Variants in LRP1B observed in about 807,000 individuals in gnomAD.
LRP1B encodes low-density lipoprotein receptor-related protein 1B.
A neutral mutation model predicts 556.6 loss-of-function variants in LRP1B; 217 were observed. The observed-to-expected ratio is 0.39, with a 90% confidence interval of 0.35 to 0.44. The LOEUF (loss-of-function observed/expected upper bound fraction) is 0.44, where lower values mean the gene tolerates loss of function less well. Among genes scored for constraint, LRP1B ranks in the 20% least tolerant of loss-of-function variants. The pLI, the probability that LRP1B is intolerant of heterozygous loss-of-function variation, is 1.00. For synonymous variants in LRP1B, 2,047 were observed against 1,865.8 expected, an observed-to-expected ratio of 1.10 and a Z score of -2.50; for missense variants, 5,053 against 5,620.8, an observed-to-expected ratio of 0.90 and a Z score of 3.23.
At chr2:141,562,661 C>A (rs62169798) in intron 2 of LRP1B, among the ~76,000 whole-genome samples, 5,579 of 151,948 alleles carry the variant, frequency 0.037, 150 homozygotes, top group East Asian at 0.12. Flanking sequence ...TGGCTTCACT[C>A]CGTAAAACAA....
chr2:141,174,741 A>T (rs1714258), intron 7 of LRP1B, among the ~76,000 whole-genome samples: 151,897 of 152,202 alleles, frequency 1, 75,796 homozygotes, highest in Non-Finnish European at 1. Flanking sequence ...ACAAAGATAT[A>T]TGAAAATGTG....
At chr2:140,273,336 G>GTTAGTTTATATGA (rs1553437444) in intron 85 of LRP1B, among the ~76,000 whole-genome samples, 1 of 151,808 alleles carries the variant, frequency 6.6e-6, no homozygotes, top group Non-Finnish European at 1.5e-5. Context: ...ACATGATTTG[G>GTTAGTTTATATGA]ACGCATGTTT....
intron 32 of LRP1B, among the ~76,000 whole-genome samples, chr2:140,800,261 G>A (rs1299771130): frequency 6.6e-6 from 1 of 152,140 alleles, no homozygotes; most frequent in Non-Finnish European, 1.5e-5. Flanking sequence ...GGGAGGAGGA[G>A]CGGGGAGGGA....
chr2:141,425,997 T>C (rs1317944153), intron 3 of LRP1B, among the ~76,000 whole-genome samples: 2 of 151,280 alleles, frequency 1.3e-5, no homozygotes, highest in Non-Finnish European at 3.0e-5. Flanking sequence ...TCCTTGCCCA[T>C]GCCTATGTCC....
intron 57 of LRP1B, among the ~76,000 whole-genome samples, chr2:140,490,906 C>T (rs1573998104): frequency 6.6e-6 from 1 of 152,180 alleles, no homozygotes; most frequent in East Asian, 1.9e-4. Context: ...CCCATATGTA[C>T]TGCACTAAGA....
intron 2 of LRP1B, among the ~76,000 whole-genome samples, chr2:141,652,863 G>T (rs901662411): frequency 9.2e-5 from 14 of 152,068 alleles, no homozygotes; most frequent in African/African-American, 3.4e-4. Context: ...TCTACCTCTT[G>T]TCATATATAA....
intron 20 of LRP1B, among the ~76,000 whole-genome samples, chr2:140,924,675 T>C (rs557087217): frequency 7.9e-5 from 12 of 152,250 alleles, no homozygotes; most frequent in African/African-American, 2.6e-4. Flanking sequence ...TAATAAAGCA[T>C]TGAGTTTTGG....
intron 1 of LRP1B, among the ~76,000 whole-genome samples, chr2:142,015,661 C>G (rs538234760): frequency 1.3e-5 from 2 of 152,160 alleles, no homozygotes; most frequent in South Asian, 4.1e-4. Flanking sequence ...CTACAAGGAA[C>G]TTAAACAAAT....
intron 41 of LRP1B, among the ~76,000 whole-genome samples, chr2:140,606,812 T>C (rs2087000): frequency 0.19 from 29,468 of 151,842 alleles, 3,628 homozygotes; most frequent in South Asian, 0.42. Context: ...ACTAAAAATA[T>C]ACCTTAAACC....
At chr2:141,681,661 T>C (rs1313645336) in intron 2 of LRP1B, among the ~76,000 whole-genome samples, 1 of 152,188 alleles carries the variant, frequency 6.6e-6, no homozygotes, top group Non-Finnish European at 1.5e-5. Context: ...GTTAATTTTA[T>C]TCTTAACTTG....
chr2:140,415,638 A>T lies in LRP1B; in HGVS notation c.10414+26866T>A, dbSNP rs113417431. On this transcript the variant is annotated intron_variant, in intron 66 of 90. Transcript: ENST00000389484. ...TGGGGAAGAGGTAAATTCTCACCAA[A>T]GAACGGAAGTGGAATGCGTCCATTC... Among the ~76,000 whole-genome samples, 34 of 152,336 alleles carry T rather than the reference A, an allele frequency of 2.2e-4. 3 individuals carry two copies. The highest frequency in any genetic ancestry group is 6.5e-4 in the African/African-American group (27 of 41,588).
At chr2:140,975,487 T>TCTGAGAGACAA (rs760930011) in intron 18 of LRP1B, among the ~76,000 whole-genome samples, 25 of 22,886 alleles carry the variant, frequency 1.1e-3, no homozygotes, top group African/African-American at 2.6e-3. Flanking sequence ...GCTAAAGTTA[T>TCTGAGAGACAA]ATAAGCAGGA....
At chr2:140,494,604 C>T (rs1272474768) in intron 56 of LRP1B, among the ~76,000 whole-genome samples, 2 of 100,186 alleles carry the variant, frequency 2.0e-5, no homozygotes, top group African/African-American at 3.8e-5. Flanking sequence ...GAGACTCCGT[C>T]TCAAAAAAAA....
chr2:141,279,975 T>G (rs754883841), intron 3 of LRP1B, among the ~76,000 whole-genome samples: 4 of 152,112 alleles, frequency 2.6e-5, no homozygotes, highest in Admixed American at 6.5e-5. Flanking sequence ...GTGGGTCCCT[T>G]ATCTCTTCTT....
At chr2:141,603,569 C>T (rs1214243072) in intron 2 of LRP1B, among the ~76,000 whole-genome samples, 1 of 152,060 alleles carries the variant, frequency 6.6e-6, no homozygotes, top group Non-Finnish European at 1.5e-5. Flanking sequence ...ATATCTTTTA[C>T]AGGACTGATA....
At chr2:140,249,541 A>G (rs1681313127) in intron 86 of LRP1B, among the ~76,000 whole-genome samples, 1 of 151,734 alleles carries the variant, frequency 6.6e-6, no homozygotes, top group African/African-American at 2.4e-5. Context: ...TATATTGGAA[A>G]AAACTCAAAG....
chr2:140,618,055 C>T (rs1430890172), intron 41 of LRP1B, among the ~76,000 whole-genome samples: 1 of 151,904 alleles, frequency 6.6e-6, no homozygotes. Flanking sequence ...TAATTTTAAA[C>T]ATTTATTTCC....
intron 35 of LRP1B, among the ~76,000 whole-genome samples, chr2:140,761,850 G>A (rs1688934450): frequency 6.6e-6 from 1 of 152,100 alleles, no homozygotes; most frequent in Non-Finnish European, 1.5e-5. Context: ...GCATTGTTTT[G>A]TCTTACCAAG....
intron 2 of LRP1B, among the ~76,000 whole-genome samples, chr2:141,610,772 C>T (rs1688081644): frequency 6.6e-6 from 1 of 152,148 alleles, no homozygotes; most frequent in South Asian, 2.1e-4. Context: ...TTGGCAAATG[C>T]TGGTTGAATG....
Sources: gnomAD v4.1 joint callset for allele counts (sites outside exome capture counted in the v4.1 genomes callset) on GRCh38, gnomAD v4.1.1 for gene constraint, MANE v1.5 for transcripts, NCBI Gene and HGNC (gene_info 2026-07-23, HGNC 2026-07-21) for gene names.